PTPRR: variants seen among roughly 807,000 people sequenced by gnomAD.
PTPRR encodes the protein receptor-type tyrosine-protein phosphatase R.
A neutral mutation model predicts 77.2 loss-of-function variants in PTPRR; 38 were observed. That is an observed-to-expected ratio of 0.49 (90% CI 0.38 to 0.65). The LOEUF is 0.65. Among genes scored for constraint, PTPRR ranks in the 30% least tolerant of loss-of-function variants. The pLI, the probability that PTPRR is intolerant of heterozygous loss-of-function variation, is 0.00. For synonymous variants in PTPRR, 299 were observed against 283.1 expected, an observed-to-expected ratio of 1.06 and a Z score of -0.57; for missense variants, 744 against 799.2, an observed-to-expected ratio of 0.93 and a Z score of 0.83.
chr12:70,701,036 T>G (rs1437328436), intron 7 of PTPRR, 101 bp downstream of exon 7: 8 of 1,241,312 alleles, frequency 6.4e-6, no homozygotes, highest in Middle Eastern at 3.9e-4. Context: ...ATTTGTTTAC[T>G]GTAGACTGCT....
At chr12:70,916,886 CAG>C (rs1355202469) in intron 1 of PTPRR, among the ~76,000 whole-genome samples, 5 of 152,136 alleles carry the variant, frequency 3.3e-5, no homozygotes, top group African/African-American at 9.7e-5. Context: ...AAGAACAACA[CAG>C]AAATTTGAAA....
chr12:70,916,608 C>T (rs908905488), intron 1 of PTPRR, among the ~76,000 whole-genome samples: 2 of 150,130 alleles, frequency 1.3e-5, no homozygotes, highest in Non-Finnish European at 3.0e-5. Context: ...CTATGCACTT[C>T]TCTGAGAGAT....
intron 6 of PTPRR, among the ~76,000 whole-genome samples, chr12:70,721,837 A>G (rs1004593310): frequency 1.3e-5 from 2 of 152,132 alleles, no homozygotes; most frequent in Admixed American, 6.6e-5. Context: ...CGTTGGGAGG[A>G]TAGTTGGATG....
At chr12:70,659,425 GATTAGATAC>G (rs1455655358) in intron 12 of PTPRR, among the ~76,000 whole-genome samples, 2 of 152,162 alleles carry the variant, frequency 1.3e-5, no homozygotes, top group African/African-American at 4.8e-5. Context: ...TCTAGTGACT[GATTAGATAC>G]TGATGTTGGA....
At chr12:70,673,529 CT>C (rs1443028274) in intron 10 of PTPRR, among the ~76,000 whole-genome samples, 1 of 152,016 alleles carries the variant, frequency 6.6e-6, no homozygotes, top group Non-Finnish European at 1.5e-5. Context: ...AGTAATTTTT[CT>C]GGGGAAAATA....
intron 2 of PTPRR, among the ~76,000 whole-genome samples, chr12:70,843,782 G>A (rs1336595639): frequency 1.3e-5 from 2 of 149,364 alleles, no homozygotes; most frequent in African/African-American, 4.9e-5. Flanking sequence ...AGCTTTGAAA[G>A]ATTTGAGACA....
chr12:70,846,818 TG>T (rs1309819588), intron 2 of PTPRR, among the ~76,000 whole-genome samples: 2 of 152,110 alleles, frequency 1.3e-5, no homozygotes, highest in Non-Finnish European at 2.9e-5. Flanking sequence ...AAAAGCTACT[TG>T]GTTTAGTGTA....
chr12:70,672,903 C>T lies in PTPRR; in HGVS notation c.1498-10298G>A, dbSNP rs754079816. The T allele has an allele frequency of 9.1e-6, 14 of 1,542,356 alleles. No individual in the cohort carries two copies. In the South Asian group the frequency reaches 1.6e-4, roughly 17 times the overall value. The stretch of plus-strand genomic sequence containing the variant: ...CCTGGTCATAGGATGGGGGCATCTG[C>T]TCCCACTCAGCTTAGCCCAGGGAAA... On this transcript the variant is annotated intron_variant, in intron 10 of 13. Transcript: ENST00000283228.
At chr12:70,772,406 A>G (rs1416619896) in intron 2 of PTPRR, among the ~76,000 whole-genome samples, 1 of 152,198 alleles carries the variant, frequency 6.6e-6, no homozygotes, top group Non-Finnish European at 1.5e-5. Context: ...AAGGATTTAT[A>G]GTCTCAAAAG....
chr12:70,722,437 T>C (rs1367779847), intron 6 of PTPRR, among the ~76,000 whole-genome samples: 2 of 152,114 alleles, frequency 1.3e-5, no homozygotes, highest in African/African-American at 4.8e-5. Flanking sequence ...TTAAAACAAA[T>C]GATTTCTGAA....
At chr12:70,698,228 C>A in intron 8 of PTPRR, 37 bp downstream of exon 8, 1 of 1,567,046 alleles carries the variant, frequency 6.4e-7, no homozygotes, top group Non-Finnish European at 8.8e-7. Context: ...TCCCCTTGCC[C>A]CCCATACAAT....
Position 70,892,851 on chromosome 12 carries a change from T to C in PTPRR, c.185A>G (p.Tyr62Cys), listed in dbSNP as rs752329235. Residue 62 changes from tyrosine (Y) to cysteine (C), a missense_variant, in exon 2 of 14, where the codon TAC becomes TGC. Coordinates refer to ENST00000283228, the MANE Select transcript of PTPRR (RefSeq NM_002849.4). ...GGAAGAGGAATGGTAGCTATGTCTGTAGATTTTTTGTGGGGCTATATCCAG... is the reference window on the plus strand; with the variant it reads ...GGAAGAGGAATGGTAGCTATGTCTGCAGATTTTTTGTGGGGCTATATCCAG... ...KSLDIAPQKI[Y>C]RHSYHSSSEA... 2.9e-5 allele frequency: 47 copies of C among 1,613,480 alleles called. No individual in the cohort carries two copies. The highest frequency in any genetic ancestry group is 3.7e-5 in the Non-Finnish European group (44 of 1,179,636).
At chr12:70,825,468 A>G (rs1035492591) in intron 2 of PTPRR, among the ~76,000 whole-genome samples, 1 of 152,114 alleles carries the variant, frequency 6.6e-6, no homozygotes, top group East Asian at 1.9e-4. Flanking sequence ...ACCTCTTGAT[A>G]CCACAGAGCC....
At chr12:70,712,272 T>C (rs1021657067) in intron 6 of PTPRR, among the ~76,000 whole-genome samples, 2 of 152,098 alleles carry the variant, frequency 1.3e-5, no homozygotes, top group Non-Finnish European at 2.9e-5. Context: ...TTGATCACCG[T>C]GATCAGATTC....
chr12:70,697,362 C>G (rs1012452653), intron 8 of PTPRR, among the ~76,000 whole-genome samples: 12 of 152,108 alleles, frequency 7.9e-5, no homozygotes, highest in Non-Finnish European at 1.5e-4. Context: ...ATTTGTACAT[C>G]TTCTAGGGAG....
At chr12:70,710,494 T>C (rs925300294) in intron 6 of PTPRR, among the ~76,000 whole-genome samples, 1 of 152,016 alleles carries the variant, frequency 6.6e-6, no homozygotes, top group African/African-American at 2.4e-5. Flanking sequence ...GGCAAGGACA[T>C]AGGCATTTCA....
intron 2 of PTPRR, among the ~76,000 whole-genome samples, chr12:70,849,319 TAAAG>T (rs754904275): frequency 1.2e-4 from 18 of 152,130 alleles, no homozygotes; most frequent in Admixed American, 3.3e-4. Context: ...GCTTTCCTGT[TAAAG>T]AGAGTTCTTA....
intron 6 of PTPRR, among the ~76,000 whole-genome samples, chr12:70,706,776 A>T (rs1888634622): frequency 6.6e-6 from 1 of 152,110 alleles, no homozygotes; most frequent in African/African-American, 2.4e-5. Flanking sequence ...ACCTTGGAAA[A>T]TGCGTTCAAT....
intron 2 of PTPRR, among the ~76,000 whole-genome samples, chr12:70,779,716 G>A (rs1278520188): frequency 6.6e-6 from 1 of 152,172 alleles, no homozygotes; most frequent in Non-Finnish European, 1.5e-5. Context: ...CTTGTAAAAT[G>A]AAGGAACACA....
Sources: allele counts gnomAD v4.1 joint callset (sites outside exome capture counted in the v4.1 genomes callset), GRCh38; gene constraint gnomAD v4.1.1; transcripts MANE v1.5; gene names NCBI Gene and HGNC (gene_info 2026-07-23, HGNC 2026-07-21).